COX10: variants seen among roughly 807,000 people sequenced by gnomAD.
The protein encoded by COX10 is protoheme IX farnesyltransferase, mitochondrial.
COX10 carries 27 observed loss-of-function variants against 37.3 expected under a neutral mutation model. The ratio of observed to expected loss-of-function variants is 0.72; its 90% confidence interval spans 0.53 to 1.00. The LOEUF (loss-of-function observed/expected upper bound fraction) is 1.00, where lower values mean the gene tolerates loss of function less well. COX10 is among the 50% of genes least tolerant of loss of function. COX10 has a pLI of 0.00. For synonymous variants in COX10, 222 were observed against 229.1 expected (o/e 0.97, Z 0.28); for missense variants, 475 against 563.2 (o/e 0.84, Z 1.59).
At chr17:14,164,852 A>T (rs1308855972) in intron 5 of COX10, among the ~76,000 whole-genome samples, 3 of 152,198 alleles carry the variant, frequency 2.0e-5, no homozygotes, top group Non-Finnish European at 2.9e-5. Context: ...TGTCATTGTT[A>T]TGTGTATATC....
Position 14,156,061 on chromosome 17 carries a change from T to C in COX10, c.625-3816T>C, listed in dbSNP as rs148458626. Among the ~76,000 whole-genome samples the C allele has an allele frequency of 4.1e-3, 628 of 152,230 alleles. 5 individuals carry two copies. Among genetic ancestry groups the C allele is most frequent in the African/African-American group, 0.013 (544 of 41,534 alleles). On this transcript the variant is annotated intron_variant, in intron 4 of 6. Transcript: ENST00000261643. ...AGCCATCCAGCAACACTCATGATAA[T>C]AGCAAATAAACTGATCTTCAGTAAG...
chr17:14,102,003 G>A (rs2142200052), intron 3 of COX10, 115 bp from the exon 4 acceptor site: 1 of 1,295,844 alleles, frequency 7.7e-7, no homozygotes, highest in Admixed American at 1.7e-5. Flanking sequence ...TGTACTTTGT[G>A]TTATTAATAT....
chr17:14,103,301 G>A (rs1372160057), intron 4 of COX10, among the ~76,000 whole-genome samples: 1 of 152,056 alleles, frequency 6.6e-6, no homozygotes, highest in Non-Finnish European at 1.5e-5. Flanking sequence ...TATTTTTAAT[G>A]AAAATGCGAA....
intron 5 of COX10, among the ~76,000 whole-genome samples, chr17:14,173,398 T>C (rs1567607647): frequency 6.6e-6 from 1 of 152,126 alleles, no homozygotes; most frequent in Non-Finnish European, 1.5e-5. Flanking sequence ...AGAGACAAAA[T>C]GAACATCAAG....
At chr17:14,085,191 G>A (rs56376119) in intron 3 of COX10, among the ~76,000 whole-genome samples, 29,780 of 151,948 alleles carry the variant, frequency 0.2, 3,181 homozygotes, top group East Asian at 0.38. Flanking sequence ...ATGATTATAA[G>A]CAATAATGTA....
At chr17:14,119,243 C>A (rs887465302) in intron 4 of COX10, among the ~76,000 whole-genome samples, 1 of 152,170 alleles carries the variant, frequency 6.6e-6, no homozygotes, top group African/African-American at 2.4e-5. Flanking sequence ...AGGCGTATAT[C>A]TCCTACCTAA....
At chr17:14,111,739 A>G (rs1363717351) in intron 4 of COX10, among the ~76,000 whole-genome samples, 1 of 152,154 alleles carries the variant, frequency 6.6e-6, no homozygotes, top group African/African-American at 2.4e-5. Context: ...AGAAAATGCC[A>G]TTGTGTCATA....
chr17:14,204,856 C>T (rs1290212297), intron 6 of COX10, among the ~76,000 whole-genome samples: 1 of 152,196 alleles, frequency 6.6e-6, no homozygotes. Flanking sequence ...AATCTCTGTA[C>T]TTTGAGAGGC....
intron 5 of COX10, among the ~76,000 whole-genome samples, chr17:14,180,017 G>T (rs1347536396): frequency 6.6e-6 from 1 of 152,232 alleles, no homozygotes; most frequent in Non-Finnish European, 1.5e-5. Context: ...ACAGGGTTTA[G>T]CTTAAGTATT....
chr17:14,073,559 G>T (rs1597489814), intron 1 of COX10, among the ~76,000 whole-genome samples: 2 of 152,290 alleles, frequency 1.3e-5, no homozygotes, highest in East Asian at 3.9e-4. Context: ...AATTACATTT[G>T]CTCAGGGACA....
At chr17:14,157,286 C>T (rs1282737235) in intron 4 of COX10, among the ~76,000 whole-genome samples, 1 of 152,042 alleles carries the variant, frequency 6.6e-6, no homozygotes, top group Non-Finnish European at 1.5e-5. Flanking sequence ...CTTTTGTATC[C>T]CCATTGTATG....
chr17:14,167,428 G>C (rs931707726), intron 5 of COX10, among the ~76,000 whole-genome samples: 2 of 152,236 alleles, frequency 1.3e-5, no homozygotes, highest in Admixed American at 1.3e-4. Context: ...AATTTTGAAA[G>C]AAGTTCTACT....
At position 14,077,110 on chromosome 17, in the gene COX10, C is replaced by G. The variant is rs777444266; in HGVS notation, c.499+54C>G. ...ATTTGAAACTCTATCTTTAGTGAAA[C>G]AAAAAGCTAATTTTATTTACCACCT... On this transcript the variant is annotated intron_variant, in intron 3 of 6. Transcript: ENST00000261643. The G allele has an allele frequency of 3.9e-6, 6 of 1,554,524 alleles. No homozygotes were observed. The African/African-American group carries it at 4.1e-5, about 11-fold the overall frequency.
intron 5 of COX10, among the ~76,000 whole-genome samples, chr17:14,168,429 C>T (rs1905355001): frequency 6.6e-6 from 1 of 152,210 alleles, no homozygotes; most frequent in African/African-American, 2.4e-5. Flanking sequence ...TAGCTGTCTT[C>T]TCACAGCTCC....
At chr17:14,168,678 C>T (rs945488146) in intron 5 of COX10, among the ~76,000 whole-genome samples, 1 of 152,212 alleles carries the variant, frequency 6.6e-6, no homozygotes, top group Non-Finnish European at 1.5e-5. Flanking sequence ...CCTTCTGAAG[C>T]CATGGCTTGA....
At chr17:14,130,547 C>A (rs1458960487) in intron 4 of COX10, among the ~76,000 whole-genome samples, 1 of 151,988 alleles carries the variant, frequency 6.6e-6, no homozygotes, top group Non-Finnish European at 1.5e-5. Flanking sequence ...AAACTCAGCT[C>A]TTTCATATGT....
At position 14,174,438 on chromosome 17, in the gene COX10, G is replaced by A. The variant is rs569670735; in HGVS notation, c.695+14491G>A. On this transcript the variant is annotated intron_variant, in intron 5 of 6. Transcript: ENST00000261643. ...GATGCCACTGCACTCAAGTCTGGGTGACAGAGCAAGACCCTGTCAAAAAAA... is the reference window on the plus strand; with the variant it reads ...GATGCCACTGCACTCAAGTCTGGGTAACAGAGCAAGACCCTGTCAAAAAAA... 3.6e-5 allele frequency among the ~76,000 whole-genome samples: 5 copies of A among 137,098 alleles called. No homozygotes were observed. In the South Asian group the frequency reaches 7.0e-4, roughly 19 times the overall value. 89.9% of individuals were successfully genotyped at this position (137,098 alleles called of 152,430 possible). A position where few individuals can be genotyped will look rare whatever the true frequency, so the allele number is the denominator to read the frequency against.
intron 2 of COX10, 109 bp downstream of exon 2, chr17:14,074,565 G>C: frequency 9.1e-7 from 1 of 1,096,048 alleles, no homozygotes; most frequent in Non-Finnish European, 1.4e-6. Context: ...TGTTTGAAAA[G>C]AACTTTTATT....
At chr17:14,178,921 C>A (rs971584604) in intron 5 of COX10, among the ~76,000 whole-genome samples, 2 of 152,114 alleles carry the variant, frequency 1.3e-5, no homozygotes, top group African/African-American at 4.8e-5. Context: ...AATGGGAGGA[C>A]AAAAGTACCT....
Sources: allele counts gnomAD v4.1 joint callset (sites outside exome capture counted in the v4.1 genomes callset), GRCh38; gene constraint gnomAD v4.1.1; transcripts MANE v1.5; gene names NCBI Gene and HGNC (gene_info 2026-07-23, HGNC 2026-07-21).